The following MON2 variants were observed in gnomAD, a reference collection of about 807,000 sequenced individuals.
The protein encoded by MON2 is MON2 regulator of endosome-to-Golgi trafficking.
MON2 carries 84 observed loss-of-function variants against 208.6 expected under a neutral mutation model. The observed-to-expected ratio is 0.40, with a 90% CI of 0.34 to 0.48. MON2 has a LOEUF of 0.48. Ranked by LOEUF, MON2 falls within the 20% of genes least tolerant of loss-of-function variation. The pLI is 0.59. For synonymous variants in MON2, 660 were observed against 694.0 expected, an observed-to-expected ratio of 0.95 and a Z score of 0.77; for missense variants, 1,611 against 2,015.4, an observed-to-expected ratio of 0.80 and a Z score of 3.84.
intron 6 of MON2, 90 bp from the exon 7 acceptor site, chr12:62,501,483 A>G: frequency 6.8e-7 from 1 of 1,464,662 alleles, no homozygotes; most frequent in Non-Finnish European, 9.3e-7. Context: ...TTATATAAGA[A>G]GATAGATTTT....
In MON2 at chr12:62,591,332, A is replaced by G. The variant is rs555573967; in HGVS notation, c.4991-1254A>G. Among the ~76,000 whole-genome samples, 17 of 152,226 alleles carry G rather than the reference A, an allele frequency of 1.1e-4. No individual in the cohort carries two copies. In the South Asian group the frequency reaches 3.5e-3, roughly 32 times the overall value. On this transcript the variant is annotated intron_variant, in intron 34 of 34. Coordinates refer to ENST00000393630, the MANE Select transcript of MON2 (RefSeq NM_015026.3). ...GCAATACCCATCAGCTCTATTCCCC[A>G]TTTCTTCTTATCACACCCACCCTGA...
chr12:62,526,367 T>C (rs1429615259), intron 11 of MON2, among the ~76,000 whole-genome samples: 1 of 152,236 alleles, frequency 6.6e-6, no homozygotes, highest in Non-Finnish European at 1.5e-5. Flanking sequence ...TACAGCTTTT[T>C]GGTTTAAGTA....
rs754520437 is a variant in MON2 at position 62,555,961 on chromosome 12, T to C, written c.3211-33T>C. 4 of 1,467,158 alleles carry C rather than the reference T, an allele frequency of 2.7e-6. No individual in the cohort carries two copies. The East Asian group carries it at 7.2e-5, about 26-fold the overall frequency. 90.9% of individuals were successfully genotyped at this position (1,467,158 alleles called of 1,614,324 possible). A position where few individuals can be genotyped will look rare whatever the true frequency, so the allele number is the denominator to read the frequency against. On this transcript the variant is annotated intron_variant, in intron 24 of 34. Transcript: ENST00000393630. ...GCTATTACTTAAGCTATATTATCAA[T>C]GCATTTTAAATGACATTTTAATAAA...
In MON2 at chr12:62,525,249, T is replaced by A. The variant is rs761042495; in HGVS notation, c.1246+29T>A. 1.0e-4 allele frequency: 162 copies of A among 1,609,310 alleles called. 1 individual carries two copies. The highest frequency in any genetic ancestry group is 4.0e-4 in the South Asian group (36 of 90,830). Reference sequence around the variant, plus strand: ...AAAACATATTCATAATTTTGTTTCTTATATTCTGCCGTAAGTTACAGTATT... The same window carrying A: ...AAAACATATTCATAATTTTGTTTCTAATATTCTGCCGTAAGTTACAGTATT... On this transcript the variant is annotated intron_variant, in intron 10 of 34. Coordinates refer to ENST00000393630, the MANE Select transcript of MON2 (RefSeq NM_015026.3).
intron 26 of MON2, among the ~76,000 whole-genome samples, chr12:62,564,122 T>C (rs2074289637): frequency 1.3e-5 from 2 of 152,094 alleles, no homozygotes; most frequent in Non-Finnish European, 2.9e-5. Flanking sequence ...CACTTGGGTA[T>C]GGGGAGCACT....
intron 4 of MON2, among the ~76,000 whole-genome samples, chr12:62,498,496 A>G (rs972055575): frequency 1.3e-5 from 2 of 152,202 alleles, no homozygotes; most frequent in Non-Finnish European, 2.9e-5. Flanking sequence ...TATAAATTAC[A>G]TCTCAATAAA....
At position 62,574,446 on chromosome 12, in the gene MON2, G is replaced by C. The variant is rs181661876; in HGVS notation, c.4514+2864G>C. Among the ~76,000 whole-genome samples the C allele has an allele frequency of 2.7e-3, 413 of 152,150 alleles. 1 individual carries two copies. Among genetic ancestry groups the C allele is most frequent in the Non-Finnish European group, 4.3e-3 (293 of 67,992 alleles). On this transcript the variant is annotated intron_variant, in intron 30 of 34. Coordinates refer to ENST00000393630, the MANE Select transcript of MON2 (RefSeq NM_015026.3). ...GGCTGGAGTGAAGTCGCATGTTCAT[G>C]GCTCACTGCGGCCTTGACCTCCTGG... is the stretch of plus-strand genomic sequence containing the variant.
At chr12:62,584,016 T>C (rs2075105825) in intron 32 of MON2, among the ~76,000 whole-genome samples, 1 of 151,368 alleles carries the variant, frequency 6.6e-6, no homozygotes, top group African/African-American at 2.4e-5. Flanking sequence ...GACGCAGTAT[T>C]GGATGCTAAA....
chr12:62,551,470 AG>A (rs2073742170), intron 23 of MON2, among the ~76,000 whole-genome samples: 1 of 152,230 alleles, frequency 6.6e-6, no homozygotes. Context: ...TAGTTGCAAT[AG>A]TCACATCAAA....
chr12:62,552,761 G>C, intron 23 of MON2, 120 bp from the exon 24 acceptor site: 1 of 697,928 alleles, frequency 1.4e-6, no homozygotes. Context: ...CTAGGAAAGA[G>C]ATTTTTGAAG....
intron 2 of MON2, among the ~76,000 whole-genome samples, chr12:62,493,218 A>G (rs1448738011): frequency 2.0e-5 from 3 of 152,150 alleles, no homozygotes; most frequent in Admixed American, 1.3e-4. Context: ...AATTATGTGT[A>G]ATTCAGTTTG....
At chr12:62,574,385 T>A (rs144565183) in intron 30 of MON2, among the ~76,000 whole-genome samples, 1 of 152,146 alleles carries the variant, frequency 6.6e-6, no homozygotes, top group African/African-American at 2.4e-5. Flanking sequence ...TGTTTGTTTT[T>A]GTTTTTCTTG....
In MON2 at chr12:62,580,594, CTG is replaced by C. The variant is rs1462573096; in HGVS notation, c.4699+177_4699+178del. Among the ~76,000 whole-genome samples the C allele has an allele frequency of 2.0e-5, 3 of 152,178 alleles. No individual in the cohort carries two copies. The East Asian group carries it at 5.8e-4, about 29-fold the overall frequency. ...GGAGAAATGTTATGACATGACTATT[CTG>C]TGGAATAGAATGTTTTTATTCCATG... is the stretch of plus-strand genomic sequence containing the variant. On this transcript the variant is annotated intron_variant, in intron 32 of 34. Coordinates refer to ENST00000393630, the MANE Select transcript of MON2 (RefSeq NM_015026.3).
At chr12:62,543,514 A>G (rs2073334589) in intron 20 of MON2, among the ~76,000 whole-genome samples, 1 of 152,168 alleles carries the variant, frequency 6.6e-6, no homozygotes, top group Non-Finnish European at 1.5e-5. Context: ...AGTTTCAGAT[A>G]GTTCTGAAAC....
chr12:62,503,660 T>A (rs1054888571), intron 7 of MON2, among the ~76,000 whole-genome samples: 2 of 152,226 alleles, frequency 1.3e-5, no homozygotes, highest in African/African-American at 4.8e-5. Flanking sequence ...CTTGATCTTG[T>A]TTCTTTCCTC....
chr12:62,593,022 T>G lies in MON2; in HGVS notation c.*273T>G, dbSNP rs2075443539. 3.9e-6 allele frequency: 1 copy of G among 258,048 alleles called. No individual in the cohort carries two copies. The highest frequency in any genetic ancestry group is 4.9e-5 in the Admixed American group (1 of 20,454). The allele number at this position is 258,048 out of a possible 1,614,324, so 16.0% of individuals were successfully genotyped here. A position where few individuals can be genotyped will look rare whatever the true frequency, so the allele number is the denominator to read the frequency against. On this transcript the variant is annotated 3_prime_UTR_variant, in exon 35 of 35. Coordinates refer to ENST00000393630, the MANE Select transcript of MON2 (RefSeq NM_015026.3). ...GTATACATGCTACCATATCTCCAGT[T>G]GGTGATTTAAAGTGAGCTTATGTAC...
chr12:62,561,171 T>C (rs1463168249), intron 26 of MON2, 58 bp downstream of exon 26: 1 of 1,408,266 alleles, frequency 7.1e-7, no homozygotes, highest in African/African-American at 1.4e-5. Context: ...ATTTTTTTTA[T>C]TTTGCTATAT....
At chr12:62,512,391 G>C (rs947955748) in intron 8 of MON2, among the ~76,000 whole-genome samples, 2 of 152,184 alleles carry the variant, frequency 1.3e-5, no homozygotes, top group African/African-American at 4.8e-5. Context: ...TTCTAAATGG[G>C]AGAAACTTGC....
At chr12:62,548,296 G>C (rs538281629) in intron 22 of MON2, among the ~76,000 whole-genome samples, 1 of 152,282 alleles carries the variant, frequency 6.6e-6, no homozygotes, top group East Asian at 1.9e-4. Flanking sequence ...TAGCAATCAG[G>C]AGTGACTTCT....
Sources: allele counts gnomAD v4.1 joint callset (sites outside exome capture counted in the v4.1 genomes callset), GRCh38; gene constraint gnomAD v4.1.1; transcripts MANE v1.5; gene names NCBI Gene and HGNC (gene_info 2026-07-23, HGNC 2026-07-21).